The following CADPS variants were observed in gnomAD, a reference collection of about 807,000 sequenced individuals.
CADPS encodes calcium-dependent secretion activator 1.
CADPS carries 57 observed loss-of-function variants against 167.3 expected under a neutral mutation model. The observed-to-expected ratio is 0.34, with a 90% confidence interval of 0.28 to 0.42. CADPS has a LOEUF of 0.42. CADPS is among the 20% of genes least tolerant of loss of function. The probability of loss-of-function intolerance (pLI) is 1.00; values close to 1 mark genes in which losing one functional copy is unlikely to be tolerated. For synonymous variants in CADPS, 676 were observed against 635.3 expected, an observed-to-expected ratio of 1.06 and a Z score of -0.96; for missense variants, 1,414 against 1,738.1, an observed-to-expected ratio of 0.81 and a Z score of 3.32.
intron 1 of CADPS, among the ~76,000 whole-genome samples, chr3:62,788,407 C>T (rs548932454): frequency 1.3e-5 from 2 of 152,212 alleles, no homozygotes; most frequent in East Asian, 3.9e-4. Flanking sequence ...ACGCACTTCA[C>T]CACGAAGTCG....
chr3:62,414,475 A>G (rs2049625002), intron 28 of CADPS, among the ~76,000 whole-genome samples: 1 of 152,264 alleles, frequency 6.6e-6, no homozygotes, highest in Non-Finnish European at 1.5e-5. Flanking sequence ...CCTACGTGGA[A>G]CAGTTATACT....
chr3:62,416,948 G>A (rs900495173), intron 28 of CADPS, among the ~76,000 whole-genome samples: 1 of 151,650 alleles, frequency 6.6e-6, no homozygotes, highest in African/African-American at 2.4e-5. Flanking sequence ...GGAGTGGCGC[G>A]ATCACGGCTC....
intron 23 of CADPS, among the ~76,000 whole-genome samples, chr3:62,475,584 GAAAAAAAAAAAAA>G (rs34263556): frequency 3.9e-4 from 22 of 55,950 alleles, no homozygotes; most frequent in South Asian, 1.0e-3. Context: ...CAGTTCTTAA[GAAAAAAAAAAAAA>G]AAAAAAAAAA....
intron 26 of CADPS, among the ~76,000 whole-genome samples, chr3:62,456,626 T>C (rs2058709902): frequency 6.6e-6 from 1 of 151,862 alleles, no homozygotes; most frequent in African/African-American, 2.4e-5. Context: ...TAATGATGAG[T>C]TTTTGGAGCA....
chr3:62,622,134 T>G (rs2063291741), intron 6 of CADPS, among the ~76,000 whole-genome samples: 1 of 152,170 alleles, frequency 6.6e-6, no homozygotes, highest in Non-Finnish European at 1.5e-5. Flanking sequence ...CTGGGTTGGT[T>G]TGGCCCGCAG....
In CADPS at chr3:62,438,414, TGGCTAAGAA is replaced by T; in HGVS notation, c.3670-212_3670-204del. ...GCTTCCTCTTTCCAGAAATCAAGCC[TGGCTAAGAA>T]GGGCATTGAGATTGTAGGATTTTAT... On this transcript the variant is annotated intron_variant, in intron 27 of 29. Transcript: ENST00000383710. This position sits in a 1 kb window ranked among gnomAD's most constrained non-coding sequence, Gnocchi z 4.7. 1.9e-6 allele frequency: 1 copy of T among 516,146 alleles called. No individual in the cohort carries two copies. The highest frequency in any genetic ancestry group is 2.6e-5 in the South Asian group (1 of 37,746). 32.0% of individuals were successfully genotyped at this position (516,146 alleles called of 1,614,324 possible).
At chr3:62,418,324 C>CA (rs1449114728) in intron 28 of CADPS, among the ~76,000 whole-genome samples, 1 of 115,084 alleles carries the variant, frequency 8.7e-6, no homozygotes, top group African/African-American at 3.6e-5. Context: ...TTTTTTCTCT[C>CA]TTTTTTTTTT....
chr3:62,523,890 C>T (rs1024863412), intron 13 of CADPS, among the ~76,000 whole-genome samples: 1 of 152,230 alleles, frequency 6.6e-6, no homozygotes, highest in African/African-American at 2.4e-5. Flanking sequence ...TGCCTGCAGA[C>T]CGCATGATGG....
chr3:62,704,390 G>A (rs950037390), intron 3 of CADPS, among the ~76,000 whole-genome samples: 2 of 152,060 alleles, frequency 1.3e-5, no homozygotes, highest in Non-Finnish European at 2.9e-5. Context: ...ATAATCATGT[G>A]AGTATAAATT....
intron 28 of CADPS, among the ~76,000 whole-genome samples, chr3:62,424,344 C>T (rs969445202): frequency 1.3e-5 from 2 of 152,130 alleles, no homozygotes; most frequent in African/African-American, 4.8e-5. Context: ...CCATCACTCC[C>T]AGCTAACTTT....
chr3:62,756,529 G>T (rs2152438815), intron 2 of CADPS, among the ~76,000 whole-genome samples: 1 of 152,250 alleles, frequency 6.6e-6, no homozygotes, highest in South Asian at 2.1e-4. Flanking sequence ...GAATACAACG[G>T]TGAGGAAGAC....
At chr3:62,715,138 T>C (rs1353546270) in intron 3 of CADPS, among the ~76,000 whole-genome samples, 1 of 152,172 alleles carries the variant, frequency 6.6e-6, no homozygotes, top group Non-Finnish European at 1.5e-5. Context: ...TTCAAAATCA[T>C]CTGAGGATGG....
intron 26 of CADPS, among the ~76,000 whole-genome samples, chr3:62,448,413 C>G (rs1448539907): frequency 2.0e-5 from 3 of 152,144 alleles, no homozygotes; most frequent in Non-Finnish European, 4.4e-5. Context: ...GTTTCTGTCA[C>G]AAATGAAAAT....
At chr3:62,626,590 A>G (rs1233232098) in intron 6 of CADPS, 1 of 701,482 alleles carries the variant, frequency 1.4e-6, no homozygotes, top group Non-Finnish European at 2.6e-6. Context: ...AGAAGTTCTC[A>G]GTGTGAAGGA....
intron 28 of CADPS, chr3:62,404,359 A>T (rs1707571797): frequency 6.6e-6 from 1 of 152,622 alleles, no homozygotes; most frequent in Non-Finnish European, 1.5e-5. Context: ...AAATAAAAAC[A>T]TGTTTCTGAT....
At chr3:62,691,130 G>A (rs942746941) in intron 3 of CADPS, among the ~76,000 whole-genome samples, 4 of 151,972 alleles carry the variant, frequency 2.6e-5, no homozygotes, top group African/African-American at 4.8e-5. Context: ...GTGCACCTAT[G>A]GAGACTGAAA....
intron 1 of CADPS, among the ~76,000 whole-genome samples, chr3:62,867,722 G>T (rs1326847858): frequency 6.6e-6 from 1 of 151,982 alleles, no homozygotes; most frequent in African/African-American, 2.4e-5. Context: ...AGTCCTTTCA[G>T]ATAAAAACAC....
At chr3:62,462,738 T>C (rs2150327918) in intron 26 of CADPS, among the ~76,000 whole-genome samples, 1 of 152,318 alleles carries the variant, frequency 6.6e-6, no homozygotes, top group East Asian at 1.9e-4. Flanking sequence ...TCAAGCTCTT[T>C]GCACAATACC....
At chr3:62,515,144 T>C (rs959616551) in intron 16 of CADPS, among the ~76,000 whole-genome samples, 7 of 152,018 alleles carry the variant, frequency 4.6e-5, no homozygotes, top group African/African-American at 1.7e-4. Context: ...TAGTTTCTTT[T>C]CCCCCCAGTT....
Sources: allele counts gnomAD v4.1 joint callset (sites outside exome capture counted in the v4.1 genomes callset), GRCh38; gene constraint gnomAD v4.1.1; non-coding constraint Gnocchi (gnomAD v3.1); transcripts MANE v1.5; gene names NCBI Gene and HGNC (gene_info 2026-07-23, HGNC 2026-07-21).